ANKRD27: variants seen among roughly 807,000 people sequenced by gnomAD.
The protein encoded by ANKRD27 is ankyrin repeat domain 27.
In ANKRD27, 112 loss-of-function variants were observed where a neutral mutation model predicts 129.7. That is an observed-to-expected ratio of 0.86 (90% CI 0.74 to 1.01). The LOEUF is 1.01. ANKRD27 is among the 50% of genes least tolerant of loss of function. The pLI, the probability that ANKRD27 is intolerant of heterozygous loss-of-function variation, is 0.00. For synonymous variants in ANKRD27, 516 were observed against 511.2 expected (o/e 1.01, Z -0.13); for missense variants, 1,258 against 1,300.5 (o/e 0.97, Z 0.50).
At position 32,631,903 on chromosome 19, in the gene ANKRD27, C is replaced by T. The variant is rs566874535; in HGVS notation, c.1117-409G>A. On this transcript the variant is annotated intron_variant, in intron 12 of 28. Coordinates refer to ENST00000306065, the MANE Select transcript of ANKRD27 (RefSeq NM_032139.3). Reference sequence around the variant, plus strand: ...TGCTGTCTTATCTGAGGCCTTTGGGCAGGAAAGCCATTTCACAAGCTGGTC... The same window carrying T: ...TGCTGTCTTATCTGAGGCCTTTGGGTAGGAAAGCCATTTCACAAGCTGGTC... Among the ~76,000 whole-genome samples the T allele has an allele frequency of 6.6e-5, 10 of 152,352 alleles. No homozygotes were observed. In the East Asian group the frequency reaches 1.7e-3, roughly 26 times the overall value.
At chr19:32,623,466 T>G (rs1341779340) in intron 17 of ANKRD27, among the ~76,000 whole-genome samples, 1 of 151,954 alleles carries the variant, frequency 6.6e-6, no homozygotes, top group Non-Finnish European at 1.5e-5. Context: ...GCTTCCCGAG[T>G]GGACCACACT....
Position 32,598,186 on chromosome 19 carries a change from G to A in ANKRD27, c.3112C>T (p.Pro1038Ser). 1 of 1,614,090 alleles carries A rather than the reference G, an allele frequency of 6.2e-7. No homozygotes were observed. Among genetic ancestry groups the A allele is most frequent in the Non-Finnish European group, 8.5e-7 (1 of 1,180,006 alleles). The change falls in exon 29 of 29, where the codon CCC (proline) becomes TCC (serine). Residue 1038 changes from proline (P) to serine (S), a missense_variant. Transcript: ENST00000306065. ...VVSQGPEAAGPLSTPQEVSAS... is the reference protein window; with the variant it reads ...VVSQGPEAAGSLSTPQEVSAS... ...CTAACCTCTTGGGGAGTGGAGAGGG[G>A]GCCAGCAGCCTCCGGGCCCTGGGAC...
intron 28 of ANKRD27, 43 bp from the exon 29 acceptor site, chr19:32,598,421 A>T (rs767790921): frequency 7.6e-6 from 12 of 1,582,472 alleles, no homozygotes; most frequent in East Asian, 2.2e-5. Flanking sequence ...TCCTCACTGT[A>T]CTGGAAGCCA....
chr19:32,613,056 C>T (rs1415693970), intron 22 of ANKRD27, among the ~76,000 whole-genome samples: 2 of 94,882 alleles, frequency 2.1e-5, no homozygotes, highest in African/African-American at 6.7e-5. Flanking sequence ...ATCCACATAT[C>T]TAGAATATAT....
At position 32,607,896 on chromosome 19, in the gene ANKRD27, T is replaced by C. The variant is rs76311479; in HGVS notation, c.2176-64A>G. The C allele has an allele frequency of 3.4e-3, 5,136 of 1,508,024 alleles. 143 individuals are homozygous for C. In the African/African-American group the frequency reaches 0.06, roughly 18 times the overall value. 93.4% of individuals were successfully genotyped at this position (1,508,024 alleles called of 1,614,324 possible). ...TATTGAAGAAACTGGGCTGGAGTGA[T>C]TGGCACCATGTGCCCCCCACAGCTC... On this transcript the variant is annotated intron_variant, in intron 22 of 28. Coordinates refer to ENST00000306065, the MANE Select transcript of ANKRD27 (RefSeq NM_032139.3).
chr19:32,655,793 G>C (rs1202377717), intron 2 of ANKRD27, among the ~76,000 whole-genome samples: 2 of 152,104 alleles, frequency 1.3e-5, no homozygotes, highest in African/African-American at 4.8e-5. Flanking sequence ...CAAGGCAGAT[G>C]GATCACTTGA....
intron 22 of ANKRD27, among the ~76,000 whole-genome samples, chr19:32,615,382 C>T (rs1384732752): frequency 6.6e-6 from 1 of 151,996 alleles, no homozygotes; most frequent in Non-Finnish European, 1.5e-5. Flanking sequence ...CCTGGGAGGC[C>T]GAGACCAGTC....
chr19:32,615,393 T>C (rs188283413), intron 22 of ANKRD27, among the ~76,000 whole-genome samples: 109 of 152,242 alleles, frequency 7.2e-4, no homozygotes, highest in African/African-American at 2.5e-3. Flanking sequence ...GAGACCAGTC[T>C]GGGCAACACA....
At chr19:32,643,751 C>A in intron 5 of ANKRD27, 120 bp from the exon 6 acceptor site, 3 of 1,018,910 alleles carry the variant, frequency 2.9e-6, no homozygotes, top group Non-Finnish European at 4.5e-6. Context: ...AAGTCAATTA[C>A]GTGATTTTTC....
rs1336529105 is a variant in ANKRD27, at chr19:32,643,358, G to T, written c.640-6C>A. 1 of 1,613,876 alleles carries T rather than the reference G, an allele frequency of 6.2e-7. No individual in the cohort carries two copies. The highest frequency in any genetic ancestry group is 1.3e-5 in the African/African-American group (1 of 74,980). Reference sequence around the variant, plus strand: ...ATTTCATGATGGACGTATATCTGTGGAATCAACAGACCCCATTCAGGGTGT... The same window carrying T: ...ATTTCATGATGGACGTATATCTGTGTAATCAACAGACCCCATTCAGGGTGT... On this transcript the variant is annotated splice_polypyrimidine_tract_variant and splice_region_variant and intron_variant, in intron 7 of 28. Transcript: ENST00000306065.
chr19:32,625,870 T>A lies in ANKRD27; in HGVS notation c.1629+4A>T. 1 of 1,588,134 alleles carries A rather than the reference T, an allele frequency of 6.3e-7. No homozygotes were observed. Among genetic ancestry groups the A allele is most frequent in the Non-Finnish European group, 8.5e-7 (1 of 1,169,904 alleles). ...GCCCCCCCGGAACAGCAAGAGCCAC[T>A]CACGTCCTCGTGGCCGTAGGTGCAG... On this transcript the variant is annotated splice_donor_region_variant and intron_variant, in intron 17 of 28. Transcript: ENST00000306065.
intron 2 of ANKRD27, among the ~76,000 whole-genome samples, chr19:32,650,327 G>C (rs1334789578): frequency 6.6e-6 from 1 of 152,118 alleles, no homozygotes; most frequent in Non-Finnish European, 1.5e-5. Flanking sequence ...CAAGGCAGGC[G>C]GATCACTTGA....
intron 2 of ANKRD27, among the ~76,000 whole-genome samples, chr19:32,653,290 C>G (rs1568416516): frequency 6.6e-6 from 1 of 152,146 alleles, no homozygotes; most frequent in Non-Finnish European, 1.5e-5. Flanking sequence ...AGACATGCTG[C>G]TAGGCTCCCA....
At chr19:32,601,344 C>G (rs1242168817) in intron 26 of ANKRD27, among the ~76,000 whole-genome samples, 1 of 148,752 alleles carries the variant, frequency 6.7e-6, no homozygotes, top group Admixed American at 6.7e-5. Context: ...CACCTGTAAT[C>G]TCAGCACTTT....
Position 32,597,974 on chromosome 19 carries a change from C to T in ANKRD27, c.*171G>A, listed in dbSNP as rs1971594005. ...AGAGGAGAGAGATGGTGGTGGTTAACTTTTTTGTTGCATTCTTTCCTGCCA... is the reference window on the plus strand; with the variant it reads ...AGAGGAGAGAGATGGTGGTGGTTAATTTTTTTGTTGCATTCTTTCCTGCCA... On this transcript the variant is annotated 3_prime_UTR_variant, in exon 29 of 29. Transcript: ENST00000306065. 1.6e-6 allele frequency: 1 copy of T among 624,172 alleles called. No homozygotes were observed. The highest frequency in any genetic ancestry group is 2.8e-6 in the Non-Finnish European group (1 of 355,834). The allele number at this position is 624,172 out of a possible 1,614,324, so 38.7% of individuals were successfully genotyped here.
intron 21 of ANKRD27, among the ~76,000 whole-genome samples, chr19:32,617,157 C>T (rs1402578323): frequency 6.6e-6 from 1 of 152,184 alleles, no homozygotes; most frequent in Non-Finnish European, 1.5e-5. Context: ...GCCCTCTGCA[C>T]AAAATCAGAG....
rs1971969451 is a variant in ANKRD27, at chr19:32,619,242, T to C, written c.2007+18A>G. ...CGCCAAGGCCTCCCCTCCCCAGCCCTTCCTCTGGAAGCCTCACCTCTCTGT... is the reference window on the plus strand; with the variant it reads ...CGCCAAGGCCTCCCCTCCCCAGCCCCTCCTCTGGAAGCCTCACCTCTCTGT... On this transcript the variant is annotated intron_variant, in intron 20 of 28. Transcript: ENST00000306065. 2 of 1,578,022 alleles carry C rather than the reference T, an allele frequency of 1.3e-6. No homozygotes were observed.
chr19:32,652,048 G>A (rs1213489111), intron 2 of ANKRD27, among the ~76,000 whole-genome samples: 2 of 152,230 alleles, frequency 1.3e-5, no homozygotes, highest in Non-Finnish European at 2.9e-5. Flanking sequence ...CTGAGACCGG[G>A]GAGGAGTTGC....
intron 20 of ANKRD27, 125 bp from the exon 21 acceptor site, chr19:32,617,758 T>TG: frequency 5.7e-6 from 2 of 352,812 alleles, no homozygotes; most frequent in Non-Finnish European, 1.1e-5. Context: ...ATTTAGTTTT[T>TG]TTTTTTTTTT....
Sources: gnomAD v4.1 joint callset for allele counts (sites outside exome capture counted in the v4.1 genomes callset) on GRCh38, gnomAD v4.1.1 for gene constraint, MANE v1.5 for transcripts, NCBI Gene and HGNC (gene_info 2026-07-23, HGNC 2026-07-21) for gene names.